Variants in TMPRSS11E observed in about 807,000 individuals in gnomAD.
TMPRSS11E encodes the protein transmembrane serine protease 11E.
TMPRSS11E carries 38 observed loss-of-function variants against 48.1 expected under a neutral mutation model. The ratio of observed to expected loss-of-function variants is 0.79; its 90% CI spans 0.61 to 1.04. The LOEUF (loss-of-function observed/expected upper bound fraction) is 1.04, where lower values mean the gene tolerates loss of function less well. Ranked by LOEUF, TMPRSS11E falls within the 50% of genes least tolerant of loss-of-function variation. The probability of loss-of-function intolerance (pLI) is 0.00; values close to 1 mark genes in which losing one functional copy is unlikely to be tolerated. For synonymous variants in TMPRSS11E, 158 were observed against 171.9 expected (o/e 0.92, Z 0.63); for missense variants, 530 against 510.8 (o/e 1.04, Z -0.36).
At chr4:68,469,642 C>A (rs929606016) in intron 4 of TMPRSS11E, among the ~76,000 whole-genome samples, 7 of 151,872 alleles carry the variant, frequency 4.6e-5, no homozygotes, top group Non-Finnish European at 1.0e-4. Context: ...GAGATACTGC[C>A]CTTTCTTGGA....
At chr4:68,460,487 G>A (rs1395186566) in intron 1 of TMPRSS11E, among the ~76,000 whole-genome samples, 4 of 152,050 alleles carry the variant, frequency 2.6e-5, no homozygotes, top group Non-Finnish European at 5.9e-5. Flanking sequence ...TGATTTTTCC[G>A]TCGCTGATCT....
At position 68,466,309 on chromosome 4, in the gene TMPRSS11E, C is replaced by T. The variant is rs189899525; in HGVS notation, c.137-322C>T. 3.9e-5 allele frequency among the ~76,000 whole-genome samples: 6 copies of T among 152,272 alleles called. 1 individual carries two copies. Among genetic ancestry groups the T allele is most frequent in the African/African-American group, 1.4e-4 (6 of 41,560 alleles). ...CATCCCTGTTTGTATGCTCAGATGG[C>T]ATGACTTGCTGTCTCTTGTGGCTTA... is the stretch of plus-strand genomic sequence containing the variant. On this transcript the variant is annotated intron_variant, in intron 2 of 9. Coordinates refer to ENST00000305363, the MANE Select transcript of TMPRSS11E (RefSeq NM_014058.4).
intron 2 of TMPRSS11E, among the ~76,000 whole-genome samples, chr4:68,463,054 T>C (rs1728836069): frequency 6.6e-6 from 1 of 152,190 alleles, no homozygotes; most frequent in African/African-American, 2.4e-5. Context: ...TAGAAGCTAA[T>C]AACTTGATTC....
intron 9 of TMPRSS11E, among the ~76,000 whole-genome samples, chr4:68,491,299 C>CAAAAAAAA (rs752361546): frequency 6.5e-5 from 6 of 92,030 alleles, no homozygotes; most frequent in Non-Finnish European, 7.8e-5. Flanking sequence ...ATATATGAAG[C>CAAAAAAAA]AAAAAAAAAA....
In TMPRSS11E at chr4:68,466,844, C is replaced by A. The variant is rs374852089; in HGVS notation, c.258+92C>A. On this transcript the variant is annotated intron_variant, in intron 3 of 9. Transcript: ENST00000305363. The stretch of plus-strand genomic sequence containing the variant: ...GCTTCTAAAAGATCCATTCAACTAA[C>A]GGATCCCTGTGTATTTGCAAAATGA... 4.0e-6 allele frequency: 6 copies of A among 1,506,982 alleles called. No homozygotes were observed. In the East Asian group the frequency reaches 6.8e-5, roughly 17 times the overall value. The allele number at this position is 1,506,982 out of a possible 1,614,324, so 93.4% of individuals were successfully genotyped here. A position where few individuals can be genotyped will look rare whatever the true frequency, so the allele number is the denominator to read the frequency against.
In TMPRSS11E at chr4:68,476,395, A is replaced by G; in HGVS notation, c.664A>G (p.Ile222Val). 8 of 1,613,076 alleles carry G rather than the reference A, an allele frequency of 5.0e-6. No homozygotes were observed. Among genetic ancestry groups the G allele is most frequent in the Non-Finnish European group, 6.8e-6 (8 of 1,179,046 alleles). ...DGSHRCGATL[I>V]NATWLVSAAH... is the part of the protein sequence containing the mutation. Reference sequence around the variant, plus strand: ...GAGTCATCGCTGTGGAGCAACCTTAATTAATGCCACATGGCTTGTGAGTGC... The same window carrying G: ...GAGTCATCGCTGTGGAGCAACCTTAGTTAATGCCACATGGCTTGTGAGTGC... Residue 222 changes from isoleucine to valine, a missense_variant, in exon 7 of 10, where the codon ATT becomes GTT. By Grantham distance (29) the Ile-to-Val change is conservative. Coordinates refer to ENST00000305363, the MANE Select transcript of TMPRSS11E (RefSeq NM_014058.4).
Position 68,452,344 on chromosome 4 carries a change from CAGTT to C in TMPRSS11E, c.11+4825_11+4828del, listed in dbSNP as rs562337463. 7.4e-3 allele frequency among the ~76,000 whole-genome samples: 1,131 copies of C among 152,012 alleles called. 5 individuals are homozygous for C. The highest frequency in any genetic ancestry group is 0.017 in the Middle Eastern group (5 of 294). On this transcript the variant is annotated intron_variant, in intron 1 of 9. Transcript: ENST00000305363. ...CTTTACATTAAATTTTGTCAGGTCA[CAGTT>C]AGTAAAATTTAGAGAGGGTACATAT...
rs542240384 is a variant in TMPRSS11E at position 68,477,154 on chromosome 4, G to A, written c.708-215G>A. Among the ~76,000 whole-genome samples the A allele has an allele frequency of 9.2e-5, 14 of 152,060 alleles. 1 individual carries two copies. In the South Asian group the frequency reaches 2.9e-3, roughly 32 times the overall value. On this transcript the variant is annotated intron_variant, in intron 7 of 9. Transcript: ENST00000305363. ...AAAAGCCTTAGCATTTGGAGTGGAT[G>A]ACTTGGCATATGGAGTGGCATGTAT...
At chr4:68,467,869 T>C (rs1728967134) in intron 3 of TMPRSS11E, among the ~76,000 whole-genome samples, 1 of 152,218 alleles carries the variant, frequency 6.6e-6, no homozygotes, top group African/African-American at 2.4e-5. Context: ...GATGCCACTA[T>C]TTCCCTTGTT....
chr4:68,466,568 TATA>T, intron 2 of TMPRSS11E, 60 bp from the exon 3 acceptor site: 1 of 1,572,706 alleles, frequency 6.4e-7, no homozygotes, highest in Non-Finnish European at 8.7e-7. Context: ...CAAGCGGGGA[TATA>T]ATGATGCTTT....
At chr4:68,493,111 T>G (rs781237135) in intron 9 of TMPRSS11E, among the ~76,000 whole-genome samples, 1 of 152,262 alleles carries the variant, frequency 6.6e-6, no homozygotes, top group East Asian at 1.9e-4. Flanking sequence ...TTTTATTTTA[T>G]AATTTTTATT....
intron 9 of TMPRSS11E, among the ~76,000 whole-genome samples, chr4:68,492,966 C>G (rs966286490): frequency 3.3e-5 from 5 of 152,166 alleles, no homozygotes; most frequent in Admixed American, 3.3e-4. Context: ...TTTCCTGAAA[C>G]TGTTGAAAAC....
At chr4:68,468,254 A>G (rs1728975773) in intron 3 of TMPRSS11E, among the ~76,000 whole-genome samples, 1 of 152,164 alleles carries the variant, frequency 6.6e-6, no homozygotes, top group South Asian at 2.1e-4. Context: ...TAAACTCCTA[A>G]TTAAAAAATT....
chr4:68,497,107 T>TTG lies in TMPRSS11E; in HGVS notation c.*304_*305insGT. 3 of 224,076 alleles carry TTG rather than the reference T, an allele frequency of 1.3e-5. No individual in the cohort carries two copies. The highest frequency in any genetic ancestry group is 2.6e-5 in the Non-Finnish European group (3 of 115,830). The allele number at this position is 224,076 out of a possible 1,614,324, so 13.9% of individuals were successfully genotyped here. On this transcript the variant is annotated 3_prime_UTR_variant, in exon 10 of 10. Coordinates refer to ENST00000305363, the MANE Select transcript of TMPRSS11E (RefSeq NM_014058.4). The stretch of plus-strand genomic sequence containing the variant: ...TTGTTCTCTAGAAGTTTTGTCAGAA[T>TTG]TTTGACTTGTTGACATAAATTTGTA...
intron 1 of TMPRSS11E, among the ~76,000 whole-genome samples, chr4:68,448,941 C>T (rs1451474678): frequency 2.6e-5 from 4 of 151,674 alleles, no homozygotes; most frequent in South Asian, 4.2e-4. Context: ...GGAGTGTTAT[C>T]GAGGAAGAGG....
intron 8 of TMPRSS11E, among the ~76,000 whole-genome samples, chr4:68,478,451 CTT>C (rs377068765): frequency 3.3e-3 from 240 of 73,632 alleles, no homozygotes; most frequent in African/African-American, 0.012. Context: ...GTATCCCCCG[CTT>C]TTTTTTTTTT....
At chr4:68,492,826 C>T (rs908895448) in intron 9 of TMPRSS11E, among the ~76,000 whole-genome samples, 40 of 152,112 alleles carry the variant, frequency 2.6e-4, no homozygotes, top group African/African-American at 8.4e-4. Context: ...TCACAGAACA[C>T]GACTACCATG....
At chr4:68,491,618 G>T (rs993647644) in intron 9 of TMPRSS11E, among the ~76,000 whole-genome samples, 1 of 152,156 alleles carries the variant, frequency 6.6e-6, no homozygotes, top group Non-Finnish European at 1.5e-5. Context: ...ATGTCTTCAT[G>T]TGCATCACTC....
chr4:68,486,128 GTC>G (rs1399965633), intron 9 of TMPRSS11E, among the ~76,000 whole-genome samples: 1 of 151,912 alleles, frequency 6.6e-6, no homozygotes, highest in Non-Finnish European at 1.5e-5. Flanking sequence ...GGATTTTTGT[GTC>G]TCTATTTCAT....
Sources: gnomAD v4.1 joint callset for allele counts (sites outside exome capture counted in the v4.1 genomes callset) on GRCh38, gnomAD v4.1.1 for gene constraint, MANE v1.5 for transcripts, NCBI Gene and HGNC (gene_info 2026-07-23, HGNC 2026-07-21) for gene names.